The following NNMT variants were observed in gnomAD, a reference collection of about 807,000 sequenced individuals.
NNMT encodes the protein nicotinamide N-methyltransferase.
NNMT carries 10 observed loss-of-function variants against 11.7 expected under a neutral mutation model. The observed-to-expected ratio is 0.85, with a 90% confidence interval of 0.53 to 1.45. The LOEUF (loss-of-function observed/expected upper bound fraction) is 1.45. Ranked by LOEUF, NNMT falls within the 40% of genes most tolerant of loss-of-function variation. NNMT has a pLI of 0.00. For synonymous variants in NNMT, 143 were observed against 133.8 expected (o/e 1.07, Z -0.48); for missense variants, 381 against 319.4 (o/e 1.19, Z -1.47).
rs902026059 is a variant in NNMT, at chr11:114,312,684, A to G, written c.*207A>G. 15 of 549,228 alleles carry G rather than the reference A, an allele frequency of 2.7e-5. No homozygotes were observed. Among genetic ancestry groups the G allele is most frequent in the African/African-American group, 2.6e-4 (14 of 53,494 alleles). The allele number at this position is 549,228 out of a possible 1,614,324, so 34.0% of individuals were successfully genotyped here. A position where few individuals can be genotyped will look rare whatever the true frequency, so the allele number is the denominator to read the frequency against. On this transcript the variant is annotated 3_prime_UTR_variant, in exon 3 of 3. Coordinates refer to ENST00000299964, the MANE Select transcript of NNMT (RefSeq NM_006169.3). ...ACAAATGTTGGTGCTATGGGACCCA[A>G]AGATGAGCAATTAGTATTCCAGTCT...
chr11:114,273,016 G>A (rs1945183345), intron 2 of NNMT, among the ~76,000 whole-genome samples: 1 of 152,176 alleles, frequency 6.6e-6, no homozygotes, highest in Non-Finnish European at 1.5e-5. Context: ...AATAGCCTGT[G>A]TTTCTGTGTT....
intron 2 of NNMT, among the ~76,000 whole-genome samples, chr11:114,302,236 G>A (rs1420382911): frequency 6.6e-6 from 1 of 152,064 alleles, no homozygotes; most frequent in Non-Finnish European, 1.5e-5. Context: ...GTTCACCTGT[G>A]TCTTTCTTCC....
chr11:114,267,302 G>T (rs111616676), intron 2 of NNMT, among the ~76,000 whole-genome samples: 2 of 152,182 alleles, frequency 1.3e-5, no homozygotes, highest in African/African-American at 4.8e-5. Context: ...AATCAAGTTT[G>T]TTTTTCCTAG....
intron 2 of NNMT, among the ~76,000 whole-genome samples, chr11:114,284,430 C>T (rs1427289730): frequency 1.3e-5 from 2 of 152,208 alleles, no homozygotes; most frequent in African/African-American, 4.8e-5. Flanking sequence ...CAACCACCTT[C>T]ACCCCAACAT....
intron 2 of NNMT, among the ~76,000 whole-genome samples, chr11:114,306,532 G>A (rs1361039414): frequency 6.6e-6 from 1 of 152,152 alleles, no homozygotes; most frequent in East Asian, 1.9e-4. Flanking sequence ...TGCATAAGGT[G>A]TAAGGAAGGG....
chr11:114,259,941 C>G (rs1342853543), intron 1 of NNMT, among the ~76,000 whole-genome samples: 2 of 152,148 alleles, frequency 1.3e-5, no homozygotes, highest in Non-Finnish European at 2.9e-5. Context: ...GGCACAAGGC[C>G]CCCTTACCCA....
intron 2 of NNMT, among the ~76,000 whole-genome samples, chr11:114,265,229 G>T (rs1945110955): frequency 6.6e-6 from 1 of 152,200 alleles, no homozygotes; most frequent in African/African-American, 2.4e-5. Context: ...GATTTTAGGA[G>T]TTGTGCGCCA....
chr11:114,301,558 G>A (rs1945439400), intron 2 of NNMT, among the ~76,000 whole-genome samples: 1 of 152,114 alleles, frequency 6.6e-6, no homozygotes, highest in Non-Finnish European at 1.5e-5. Context: ...TGACATTCTG[G>A]AAAATGCAAA....
intron 2 of NNMT, among the ~76,000 whole-genome samples, chr11:114,310,689 G>A (rs1945541465): frequency 6.6e-6 from 1 of 152,202 alleles, no homozygotes; most frequent in Non-Finnish European, 1.5e-5. Context: ...TCCTGAGTGT[G>A]AGACTGGATC....
chr11:114,259,361 C>T (rs1345590444), intron 1 of NNMT, among the ~76,000 whole-genome samples: 1 of 134,064 alleles, frequency 7.5e-6, no homozygotes, highest in African/African-American at 3.1e-5. Flanking sequence ...GGGGGGGGAG[C>T]TCCTGCATCC....
At position 114,312,382 on chromosome 11, in the gene NNMT, T is replaced by A; in HGVS notation, c.700T>A (p.Trp234Arg). 1 of 1,614,196 alleles carries A rather than the reference T, an allele frequency of 6.2e-7. No individual in the cohort carries two copies. The highest frequency in any genetic ancestry group is 1.1e-5 in the South Asian group (1 of 91,086). Residue 234 changes from tryptophan (W) to arginine (R), a missense_variant, in exon 3 of 3, where the codon TGG (tryptophan) becomes AGG (arginine). By Grantham distance (101) the Trp-to-Arg change is moderately radical. Transcript: ENST00000299964. ...AVKEAGYTIE[W>R]FEVISQSYSS... is the part of the protein sequence containing the mutation. The stretch of plus-strand genomic sequence containing the variant: ...GAAAGAGGCTGGCTACACAATCGAA[T>A]GGTTTGAGGTGATCTCGCAAAGTTA...
chr11:114,260,415 T>C (rs1282393272), intron 1 of NNMT, among the ~76,000 whole-genome samples: 1 of 152,220 alleles, frequency 6.6e-6, no homozygotes, highest in Non-Finnish European at 1.5e-5. Context: ...TTGTCCAGAA[T>C]TTGCTGGCAA....
chr11:114,279,275 A>G (rs1325814586), intron 2 of NNMT, among the ~76,000 whole-genome samples: 2 of 152,202 alleles, frequency 1.3e-5, no homozygotes, highest in Non-Finnish European at 2.9e-5. Flanking sequence ...GCTTTTATTA[A>G]GTCCCCACTG....
rs539993060 is a variant in NNMT at position 114,276,650 on chromosome 11, T to C, written c.-130+13716T>C. On this transcript the variant is annotated intron_variant, in intron 2 of 4. Transcript: ENST00000535401. ...TAGACCAGAGAAATAAAGCTGTGCT[T>C]CTTCTTGTTTCAAGGGCTCTGCAGG... Among the ~76,000 whole-genome samples, 3 of 152,282 alleles carry C rather than the reference T, an allele frequency of 2.0e-5. No individual in the cohort carries two copies. In the South Asian group the frequency reaches 6.2e-4, roughly 32 times the overall value.
intron 2 of NNMT, among the ~76,000 whole-genome samples, chr11:114,265,635 C>T (rs1300757289): frequency 6.6e-6 from 1 of 152,134 alleles, no homozygotes; most frequent in Non-Finnish European, 1.5e-5. Context: ...CAGCCCAATT[C>T]CTGCTTGTGC....
At chr11:114,305,866 T>C (rs2135280385) in intron 2 of NNMT, among the ~76,000 whole-genome samples, 1 of 151,674 alleles carries the variant, frequency 6.6e-6, no homozygotes, top group South Asian at 2.1e-4. Context: ...ATATACCCAG[T>C]AATGGGATGG....
chr11:114,286,748 T>G (rs555006334), intron 2 of NNMT, among the ~76,000 whole-genome samples: 3 of 152,298 alleles, frequency 2.0e-5, no homozygotes, highest in African/African-American at 7.2e-5. Flanking sequence ...GCTAAGAACA[T>G]TCATGTTTAT....
intron 2 of NNMT, among the ~76,000 whole-genome samples, chr11:114,273,929 T>G (rs1034210248): frequency 6.6e-6 from 1 of 152,122 alleles, no homozygotes; most frequent in African/African-American, 2.4e-5. Context: ...AAAGCCAGTG[T>G]CCTCATGAAT....
At chr11:114,264,462 C>T (rs1330179652) in intron 2 of NNMT, among the ~76,000 whole-genome samples, 1 of 152,164 alleles carries the variant, frequency 6.6e-6, no homozygotes, top group Non-Finnish European at 1.5e-5. Flanking sequence ...CTTCCTGCCA[C>T]CCTCTCACAA....
Sources: allele counts gnomAD v4.1 joint callset (sites outside exome capture counted in the v4.1 genomes callset), GRCh38; gene constraint gnomAD v4.1.1; transcripts MANE v1.5; gene names NCBI Gene and HGNC (gene_info 2026-07-23, HGNC 2026-07-21).